IZUMO1: variants seen among roughly 807,000 people sequenced by gnomAD.
IZUMO1 encodes the protein izumo sperm-oocyte fusion 1, also known as izumo sperm-egg fusion protein 1.
IZUMO1 carries 44 observed loss-of-function variants against 40.7 expected under a neutral mutation model. The observed-to-expected ratio is 1.08, with a 90% CI of 0.85 to 1.39. The LOEUF (loss-of-function observed/expected upper bound fraction) is 1.39. Ranked by LOEUF, IZUMO1 falls within the 40% of genes most tolerant of loss-of-function variation. IZUMO1 has a pLI of 0.00. For synonymous variants in IZUMO1, 149 were observed against 170.9 expected (o/e 0.87, Z 1.00); for missense variants, 368 against 436.9 (o/e 0.84, Z 1.41).
Position 48,745,667 on chromosome 19 carries a change from G to A in IZUMO1, c.193C>T (p.Gln65Ter). The change falls in exon 2 of 10, where the codon CAG (glutamine) becomes TAG (stop). Residue 65 changes from glutamine to a stop codon, truncating the protein, a stop_gained. Transcript: ENST00000332955. LOFTEE classifies it high-confidence loss of function. The stretch of plus-strand genomic sequence containing the variant: ...GCATCCTCATTAAGCGACAGTTCCT[G>A]GAAATCCTTCACGGCATTCTCTACC... ...ERVENAVKDF[Q>*]ELSLNEDAYM... 6.2e-7 allele frequency: 1 copy of A among 1,614,178 alleles called. No individual in the cohort carries two copies. Among genetic ancestry groups the A allele is most frequent in the Non-Finnish European group, 8.5e-7 (1 of 1,180,028 alleles).
chr19:48,746,457 C>G lies in IZUMO1; in HGVS notation c.-96G>C. ...TACCAGATTCCTAGAACTGAGGACC[C>G]CACTAACACTTAAGCGAGACTCCAT... On this transcript the variant is annotated 5_prime_UTR_variant, in exon 1 of 10. Coordinates refer to ENST00000332955, the MANE Select transcript of IZUMO1 (RefSeq NM_182575.3). 2 of 989,672 alleles carry G rather than the reference C, an allele frequency of 2.0e-6. No individual in the cohort carries two copies. Among genetic ancestry groups the G allele is most frequent in the Non-Finnish European group, 2.4e-6 (2 of 832,258 alleles). 61.3% of individuals were successfully genotyped at this position (989,672 alleles called of 1,614,324 possible). A position where few individuals can be genotyped will look rare whatever the true frequency, so the allele number is the denominator to read the frequency against.
Position 48,741,479 on chromosome 19 carries a change from CTG to C in IZUMO1, c.755-3_755-2del, listed in dbSNP as rs747696084. ...TCCTCCTTGATCATTTTGGGCAACA[CTG>C]TTAGAGAAAGCGTAAAGAGCAGTCC... is the stretch of plus-strand genomic sequence containing the variant. On this transcript the variant is annotated splice_acceptor_variant and splice_polypyrimidine_tract_variant and intron_variant, in intron 8 of 9. Transcript: ENST00000332955. LOFTEE classifies it high-confidence loss of function. The surrounding 1 kb of genome is among the most constrained non-coding windows in gnomAD (Gnocchi z 4.4). 3.3e-5 allele frequency: 53 copies of C among 1,602,912 alleles called. No individual in the cohort carries two copies. Among genetic ancestry groups the C allele is most frequent in the Non-Finnish European group, 4.5e-5 (53 of 1,170,912 alleles).
Position 48,746,532 on chromosome 19 carries a change from C to T in IZUMO1, c.-171G>A, listed in dbSNP as rs1417301313. ...CTTGTTCACCCTTCCCCAAAACTAACGGGCTCCCAATTTGCAGGGCGCACC... is the reference window on the plus strand; with the variant it reads ...CTTGTTCACCCTTCCCCAAAACTAATGGGCTCCCAATTTGCAGGGCGCACC... On this transcript the variant is annotated 5_prime_UTR_variant, in exon 1 of 10. Transcript: ENST00000332955. The T allele has an allele frequency of 3.0e-6, 3 of 985,996 alleles. No homozygotes were observed. The highest frequency in any genetic ancestry group is 4.7e-5 in the South Asian group (1 of 21,316). 61.1% of individuals were successfully genotyped at this position (985,996 alleles called of 1,614,324 possible). A position where few individuals can be genotyped will look rare whatever the true frequency, so the allele number is the denominator to read the frequency against.
rs959079247 is a variant in IZUMO1, at chr19:48,743,480, T to C, written c.464A>G (p.Glu155Gly). Reference sequence around the variant, plus strand: ...GTAGGACTTTCGACAAGCGTGAACCTCCTTTTTGCAGTTCTTGCACCAGAT... The same window carrying C: ...GTAGGACTTTCGACAAGCGTGAACCCCCTTTTTGCAGTTCTTGCACCAGAT... Reference protein sequence around the residue: ...TLIWCKNCKKEVHACRKSYDC... With the variant: ...TLIWCKNCKKGVHACRKSYDC... Residue 155 changes from glutamate to glycine, a missense_variant, in exon 6 of 10, where the codon GAG becomes GGG. Glu to Gly is a moderately conservative substitution (Grantham distance 98). Coordinates refer to ENST00000332955, the MANE Select transcript of IZUMO1 (RefSeq NM_182575.3). 1.2e-6 allele frequency: 2 copies of C among 1,614,124 alleles called. No homozygotes were observed. Among genetic ancestry groups the C allele is most frequent in the Middle Eastern group, 1.6e-4 (1 of 6,062 alleles).
At chr19:48,746,048 T>C (rs2122534667) in intron 1 of IZUMO1, 116 bp from the exon 2 acceptor site, 3 of 1,431,898 alleles carry the variant, frequency 2.1e-6, no homozygotes, top group South Asian at 3.0e-5. Context: ...AGAGGACCTA[T>C]GTCCTTCATC....
At position 48,741,526 on chromosome 19, in the gene IZUMO1, T is replaced by C. The variant is rs373190504; in HGVS notation, c.755-48A>G. On this transcript the variant is annotated intron_variant, in intron 8 of 9. Transcript: ENST00000332955. This position sits in a 1 kb window ranked among gnomAD's most constrained non-coding sequence, Gnocchi z 4.4. ...CAGTCCTGGCAGGGCGTGGAGTTCC[T>C]GCCCTGGCAAAGACAAGCCCGTCCC... 45 of 1,559,558 alleles carry C rather than the reference T, an allele frequency of 2.9e-5. No homozygotes were observed. Among genetic ancestry groups the C allele is most frequent in the Non-Finnish European group, 3.3e-5 (38 of 1,141,220 alleles).
At position 48,742,261 on chromosome 19, in the gene IZUMO1, TCA is replaced by T; in HGVS notation, c.546_547del (p.Cys182Ter). 1 of 1,614,196 alleles carries T rather than the reference TCA, an allele frequency of 6.2e-7. No individual in the cohort carries two copies. Among genetic ancestry groups the T allele is most frequent in the Non-Finnish European group, 8.5e-7 (1 of 1,180,012 alleles). ...TTCCGAAGCCTGATGCCAGTTTAACTCACAGTCCAGGATCATGTCTTCCATTT... is the reference window on the plus strand; with the variant it reads ...TTCCGAAGCCTGATGCCAGTTTAACTCAGTCCAGGATCATGTCTTCCATTT... On this transcript the variant is annotated stop_gained and frameshift_variant, in exon 7 of 10. Coordinates refer to ENST00000332955, the MANE Select transcript of IZUMO1 (RefSeq NM_182575.3). LOFTEE classifies it high-confidence loss of function.
In IZUMO1 at chr19:48,741,739, G is replaced by T; in HGVS notation, c.754+50C>A. 6.6e-7 allele frequency: 1 copy of T among 1,510,258 alleles called. No homozygotes were observed. The allele number at this position is 1,510,258 out of a possible 1,614,324, so 93.6% of individuals were successfully genotyped here. On this transcript the variant is annotated intron_variant, in intron 8 of 9. Transcript: ENST00000332955. This position sits in a 1 kb window ranked among gnomAD's most constrained non-coding sequence, Gnocchi z 4.4. ...GGCCACGCCCCCGCCGCGGACCCCA[G>T]CTTTCCTGGGCCCTGAATCCTACAC...
Position 48,741,739 on chromosome 19 carries a change from G to A in IZUMO1, c.754+50C>T. 6.6e-7 allele frequency: 1 copy of A among 1,510,258 alleles called. No homozygotes were observed. The highest frequency in any genetic ancestry group is 1.4e-5 in the African/African-American group (1 of 71,716). The allele number at this position is 1,510,258 out of a possible 1,614,324, so 93.6% of individuals were successfully genotyped here. On this transcript the variant is annotated intron_variant, in intron 8 of 9. Coordinates refer to ENST00000332955, the MANE Select transcript of IZUMO1 (RefSeq NM_182575.3). This position sits in a 1 kb window ranked among gnomAD's most constrained non-coding sequence, Gnocchi z 4.4. ...GGCCACGCCCCCGCCGCGGACCCCA[G>A]CTTTCCTGGGCCCTGAATCCTACAC...
chr19:48,741,081 G>T lies in IZUMO1; in HGVS notation c.933-53C>A. The stretch of plus-strand genomic sequence containing the variant: ...TGGAACCGGTTTGGGTACTAATTGT[G>T]TGGGGGACACCCCTCCCAACCTCCC... On this transcript the variant is annotated intron_variant, in intron 9 of 9. Transcript: ENST00000332955. The surrounding 1 kb of genome is among the most constrained non-coding windows in gnomAD (Gnocchi z 4.4). 6.2e-7 allele frequency: 1 copy of T among 1,607,896 alleles called. No individual in the cohort carries two copies. Among genetic ancestry groups the T allele is most frequent in the South Asian group, 1.1e-5 (1 of 90,816 alleles).
rs199598123 is a variant in IZUMO1, at chr19:48,744,434, G to A, written c.397+19C>T. 1.4e-5 allele frequency: 22 copies of A among 1,584,456 alleles called. No homozygotes were observed. Among genetic ancestry groups the A allele is most frequent in the Admixed American group, 8.3e-5 (5 of 59,962 alleles). The stretch of plus-strand genomic sequence containing the variant: ...GTGGAAAGAGGAGCTGGGGGACACC[G>A]ACTCCCATCTTCTCTCACCCTCTTT... On this transcript the variant is annotated intron_variant, in intron 4 of 9. Coordinates refer to ENST00000332955, the MANE Select transcript of IZUMO1 (RefSeq NM_182575.3).
In IZUMO1 at chr19:48,745,661, G is replaced by C; in HGVS notation, c.199C>G (p.Leu67Val). ...ATATAGGCATCCTCATTAAGCGACAGTTCCTGGAAATCCTTCACGGCATTC... is the reference window on the plus strand; with the variant it reads ...ATATAGGCATCCTCATTAAGCGACACTTCCTGGAAATCCTTCACGGCATTC... ...VENAVKDFQE[L>V]SLNEDAYMGV... Residue 67 changes from leucine (L) to valine (V), a missense_variant, in exon 2 of 10, where the codon CTG becomes GTG. Leu to Val is a conservative substitution (Grantham distance 32). Transcript: ENST00000332955. 6.2e-7 allele frequency: 1 copy of C among 1,614,156 alleles called. No individual in the cohort carries two copies. The highest frequency in any genetic ancestry group is 8.5e-7 in the Non-Finnish European group (1 of 1,180,032).
At chr19:48,742,443 G>A (rs759716847) in intron 6 of IZUMO1, 134 bp from the exon 7 acceptor site, 10 of 657,712 alleles carry the variant, frequency 1.5e-5, no homozygotes, top group Non-Finnish European at 2.5e-5. Flanking sequence ...CGCTTCCTGG[G>A]TTCAAGCGAT....
chr19:48,746,708 C>T lies in IZUMO1; in HGVS notation c.-347G>A. ...GTTCTGAGGGCTTTTAAAGAGGAAG[C>T]CGGGGTCATGACCACCTACGCTAAT... On this transcript the variant is annotated 5_prime_UTR_variant, in exon 1 of 10. Transcript: ENST00000332955. 1.0e-6 allele frequency: 1 copy of T among 985,464 alleles called. No individual in the cohort carries two copies. Among genetic ancestry groups the T allele is most frequent in the Non-Finnish European group, 1.2e-6 (1 of 829,942 alleles). The allele number at this position is 985,464 out of a possible 1,614,324, so 61.0% of individuals were successfully genotyped here. A position where few individuals can be genotyped will look rare whatever the true frequency, so the allele number is the denominator to read the frequency against.
At chr19:48,744,096 C>T in intron 5 of IZUMO1, 79 bp downstream of exon 5, 1 of 1,309,818 alleles carries the variant, frequency 7.6e-7, no homozygotes, top group Admixed American at 1.7e-5. Context: ...GACAAAACCA[C>T]CAGGATCCAA....
intron 2 of IZUMO1, 92 bp from the exon 3 acceptor site, chr19:48,745,380 C>A (rs535495193): frequency 2.2e-4 from 268 of 1,235,210 alleles, no homozygotes; most frequent in Non-Finnish European, 3.0e-4. Context: ...GGCCACTGGG[C>A]AAAGATAGGC....
Position 48,741,747 on chromosome 19 carries a change from G to T in IZUMO1, c.754+42C>A, listed in dbSNP as rs185915980. ...CCCCGCCGCGGACCCCAGCTTTCCT[G>T]GGCCCTGAATCCTACACTTCTCTCA... On this transcript the variant is annotated intron_variant, in intron 8 of 9. Coordinates refer to ENST00000332955, the MANE Select transcript of IZUMO1 (RefSeq NM_182575.3). The surrounding 1 kb of genome is among the most constrained non-coding windows in gnomAD (Gnocchi z 4.4). 6 of 1,515,104 alleles carry T rather than the reference G, an allele frequency of 4.0e-6. No homozygotes were observed. Among genetic ancestry groups the T allele is most frequent in the Admixed American group, 2.2e-5 (1 of 45,592 alleles). 93.9% of individuals were successfully genotyped at this position (1,515,104 alleles called of 1,614,324 possible).
In IZUMO1 at chr19:48,742,241, AAG is replaced by A. The variant is rs1346635604; in HGVS notation, c.566_567del (p.Ala189ValfsTer6). ...AAGCTGTAATCAGTGAGGCCTTCCGAAGCCTGATGCCAGTTTAACTCACAGTC... is the reference window on the plus strand; with the variant it reads ...AAGCTGTAATCAGTGAGGCCTTCCGACCTGATGCCAGTTTAACTCACAGTC... ...ILDCELNWHQ[A>X]SEGLTDYSFY... is the part of the protein sequence containing the mutation. On this transcript the variant is annotated frameshift_variant, in exon 7 of 10. Transcript: ENST00000332955. LOFTEE classifies it high-confidence loss of function. 1.2e-6 allele frequency: 2 copies of A among 1,614,170 alleles called. No homozygotes were observed. Among genetic ancestry groups the A allele is most frequent in the South Asian group, 2.2e-5 (2 of 91,084 alleles).
Position 48,743,455 on chromosome 19 carries a change from G to T in IZUMO1, c.489C>A (p.Tyr163Ter), listed in dbSNP as rs756562282. Reference protein sequence around the residue: ...KKEVHACRKSYDCGERNVEVP... With the variant: ...KKEVHACRKS ...GTCCAGTTCTCTCACCCCCGCAATC[G>T]TAGGACTTTCGACAAGCGTGAACCT... The change falls in exon 6 of 10, where the codon TAC becomes TAA. Residue 163 changes from tyrosine (Y) to a stop codon, truncating the protein, a stop_gained. Transcript: ENST00000332955. LOFTEE classifies it high-confidence loss of function. 6.2e-6 allele frequency: 10 copies of T among 1,614,066 alleles called. No homozygotes were observed. Among genetic ancestry groups the T allele is most frequent in the Non-Finnish European group, 7.6e-6 (9 of 1,180,000 alleles).
Sources: allele counts gnomAD v4.1 joint callset, GRCh38; gene constraint gnomAD v4.1.1; non-coding constraint Gnocchi (gnomAD v3.1); transcripts MANE v1.5; gene names NCBI Gene and HGNC (gene_info 2026-07-23, HGNC 2026-07-21).